The following CUX1 variants were observed in gnomAD, a reference collection of about 807,000 sequenced individuals.
CUX1 encodes cut like homeobox 1, also known as protein CASP.
In CUX1, 31 loss-of-function variants were observed where a neutral mutation model predicts 158.8. That is an observed-to-expected ratio of 0.20 (90% CI 0.15 to 0.26). The LOEUF (loss-of-function observed/expected upper bound fraction) is 0.26, where lower values mean the gene tolerates loss of function less well. CUX1 is among the 10% of genes least tolerant of loss of function. The pLI is 1.00. For missense variants in CUX1, 1,589 were observed against 2,014.6 expected, an observed-to-expected ratio of 0.79 and a Z score of 4.04; for synonymous variants, 879 against 862.1, an observed-to-expected ratio of 1.02 and a Z score of -0.34.
chr7:101,909,652 C>A (rs1442852197), intron 1 of CUX1, among the ~76,000 whole-genome samples: 3 of 152,158 alleles, frequency 2.0e-5, no homozygotes, highest in Admixed American at 6.5e-5. Flanking sequence ...GACAGATAAT[C>A]CCCCAAGAAA....
At chr7:101,817,518 C>G (rs1791992843), upstream of CUX1, 1 of 1,178,438 alleles carries the variant, frequency 8.5e-7, no homozygotes, top group East Asian at 3.8e-5. The surrounding 1 kb of genome is among the most constrained non-coding windows in gnomAD (Gnocchi z 4.1). Context: ...CCGCCGTGCC[C>G]AAGGGGCGAG....
In CUX1 at chr7:102,135,554, CTTGTGTGTGTGTGTGT is replaced by C. The variant is rs1359602893; in HGVS notation, c.674+20298_674+20313del. 3.5e-5 allele frequency among the ~76,000 whole-genome samples: 5 copies of C among 142,622 alleles called. No homozygotes were observed. The East Asian group carries it at 9.8e-4, about 28-fold the overall frequency. The allele number at this position is 142,622 out of a possible 152,430, so 93.6% of individuals were successfully genotyped here. ...GTTCAGACCCATATTTGAGGGTCAA[CTTGTGTGTGTGTGTGT>C]TTGTGTGTGTGTGTGTGTATGTACA... On this transcript the variant is annotated intron_variant, in intron 8 of 23. Transcript: ENST00000292535.
Position 102,278,214 on chromosome 7 carries a change from C to T in CUX1, c.1680+149C>T, listed in dbSNP as rs533297576. ...CTGAGGCCTTCCGACATCTCCCCAC[C>T]CACCCACCTGCCTGCTAGCTGCCCT... On this transcript the variant is annotated intron_variant, in intron 18 of 22. Coordinates refer to the CUX1 transcript ENST00000292538. The T allele has an allele frequency of 2.9e-5, 15 of 512,678 alleles. No individual in the cohort carries two copies. In the East Asian group the frequency reaches 4.4e-4, roughly 15 times the overall value. The allele number at this position is 512,678 out of a possible 1,614,324, so 31.8% of individuals were successfully genotyped here.
intron 10 of CUX1, among the ~76,000 whole-genome samples, chr7:102,177,575 C>G (rs1017830762): frequency 2.0e-5 from 3 of 151,926 alleles, no homozygotes; most frequent in Non-Finnish European, 4.4e-5. Context: ...TGGAGGGAGG[C>G]TTCCTCCTCT....
intron 12 of CUX1, among the ~76,000 whole-genome samples, chr7:102,190,213 G>A (rs1563377655): frequency 1.3e-5 from 2 of 152,232 alleles, no homozygotes; most frequent in African/African-American, 2.4e-5. Context: ...ACAAAGCACA[G>A]GAGGGAAATG....
intron 2 of CUX1, among the ~76,000 whole-genome samples, chr7:101,919,430 C>T (rs971390235): frequency 2.0e-5 from 3 of 152,036 alleles, no homozygotes; most frequent in African/African-American, 7.2e-5. Flanking sequence ...TGTGTAGAAA[C>T]GAGGCTTGCT....
At chr7:102,138,632 T>C (rs1585862571) in intron 8 of CUX1, among the ~76,000 whole-genome samples, 3 of 152,226 alleles carry the variant, frequency 2.0e-5, no homozygotes, top group Admixed American at 2.0e-4. Context: ...TTCATTATAT[T>C]AACCTTGCCA....
At chr7:101,942,311 T>G (rs1032864421) in intron 2 of CUX1, among the ~76,000 whole-genome samples, 3 of 152,204 alleles carry the variant, frequency 2.0e-5, no homozygotes, top group Non-Finnish European at 4.4e-5. Context: ...ACAGAATAAG[T>G]GAAATGGAAC....
chr7:102,236,779 TG>T (rs2132464188), intron 22 of CUX1, among the ~76,000 whole-genome samples: 1 of 152,304 alleles, frequency 6.6e-6, no homozygotes, highest in Non-Finnish European at 1.5e-5. Context: ...TTTCTCACCC[TG>T]GGGCCCTTAG....
chr7:101,940,765 T>C (rs2129138199), intron 2 of CUX1, among the ~76,000 whole-genome samples: 1 of 152,202 alleles, frequency 6.6e-6, no homozygotes, highest in East Asian at 1.9e-4. Context: ...GCTTGGCTGA[T>C]TGATTAAATG....
At chr7:102,043,784 C>G (rs1822405809) in intron 3 of CUX1, among the ~76,000 whole-genome samples, 1 of 152,068 alleles carries the variant, frequency 6.6e-6, no homozygotes, top group South Asian at 2.1e-4. Context: ...GTACTGTTTC[C>G]CATAATGGCT....
intron 4 of CUX1, among the ~76,000 whole-genome samples, chr7:102,074,793 C>T (rs1278797402): frequency 6.6e-6 from 1 of 152,234 alleles, no homozygotes. Flanking sequence ...CCGGCAGAAG[C>T]CGTCTTCTTA....
In CUX1 at chr7:101,981,480, A is replaced by G. The variant is rs112701920; in HGVS notation, c.142-46618A>G. 6.6e-5 allele frequency among the ~76,000 whole-genome samples: 10 copies of G among 152,328 alleles called. 1 individual carries two copies. Among genetic ancestry groups the G allele is most frequent in the African/African-American group, 2.4e-4 (10 of 41,582 alleles). On this transcript the variant is annotated intron_variant, in intron 2 of 23. Coordinates refer to ENST00000292535, the MANE Select transcript of CUX1 (RefSeq NM_181552.4). ...CAATTGGTGGCCACAGAGAGTGGCC[A>G]GCCATTCCCAGGCTGGCAATGTGAG...
At chr7:101,825,141 A>G (rs1793114156) in intron 1 of CUX1, among the ~76,000 whole-genome samples, 2 of 152,222 alleles carry the variant, frequency 1.3e-5, no homozygotes, top group Non-Finnish European at 2.9e-5. Flanking sequence ...AGTCCCCAAC[A>G]TACAGAGATT....
intron 8 of CUX1, among the ~76,000 whole-genome samples, chr7:102,122,920 CA>C (rs1832206355): frequency 6.6e-6 from 1 of 151,982 alleles, no homozygotes; most frequent in Middle Eastern, 3.2e-3. Flanking sequence ...ACTCTGTACT[CA>C]AAAACACGTA....
intron 2 of CUX1, among the ~76,000 whole-genome samples, chr7:101,967,376 A>G (rs1811361990): frequency 6.6e-6 from 1 of 152,186 alleles, no homozygotes; most frequent in Non-Finnish European, 1.5e-5. Flanking sequence ...AAAGACTAAT[A>G]AAGCCTTCAC....
rs1825994839 is a variant in CUX1, at chr7:102,070,404, G to T, written c.255G>T (p.Leu85Phe). ...EAAFLNVYKR[L>F]IDVPDPVPAL... The stretch of plus-strand genomic sequence containing the variant: ...CTTTCTTGAATGTCTACAAAAGATT[G>T]ATTGACGTCCCAGGTAAGCCCCGGC... The change falls in exon 4 of 24, where the codon TTG becomes TTT. Residue 85 changes from leucine (L) to phenylalanine (F), a missense_variant. Transcript: ENST00000292535. 6.2e-7 allele frequency: 1 copy of T among 1,609,628 alleles called. No homozygotes were observed. The highest frequency in any genetic ancestry group is 1.7e-5 in the Admixed American group (1 of 59,074).
upstream of CUX1, chr7:101,817,116 C>A (rs1022541299): frequency 1.0e-6 from 1 of 984,374 alleles, no homozygotes; most frequent in African/African-American, 1.8e-5. This position sits in a 1 kb window ranked among gnomAD's most constrained non-coding sequence, Gnocchi z 4.1. Context: ...TCCCGGTGTC[C>A]CGGACCGCCG....
intron 23 of CUX1, among the ~76,000 whole-genome samples, chr7:102,242,227 T>TTTG (rs1800310214): frequency 9.4e-6 from 1 of 106,242 alleles, no homozygotes. Flanking sequence ...TTTTTTTTTT[T>TTTG]CTGAGACAGA....
Sources: gnomAD v4.1 joint callset for allele counts (sites outside exome capture counted in the v4.1 genomes callset) on GRCh38, gnomAD v4.1.1 for gene constraint, Gnocchi (gnomAD v3.1) non-coding constraint, MANE v1.5 for transcripts, NCBI Gene and HGNC (gene_info 2026-07-23, HGNC 2026-07-21) for gene names.